The following STARD13 variants were observed in gnomAD, a reference collection of about 807,000 sequenced individuals.
STARD13 encodes the protein StAR related lipid transfer domain containing 13.
STARD13 carries 62 observed loss-of-function variants against 106.4 expected under a neutral mutation model. The ratio of observed to expected loss-of-function variants is 0.58; its 90% CI spans 0.48 to 0.72. STARD13 has a LOEUF of 0.72. STARD13 is among the 30% of genes least tolerant of loss of function. The pLI, the probability that STARD13 is intolerant of heterozygous loss-of-function variation, is 0.00. For missense variants in STARD13, 1,387 were observed against 1,424.0 expected (o/e 0.97, Z 0.42); for synonymous variants, 565 against 553.0 (o/e 1.02, Z -0.31).
the STARD13 span, among the ~76,000 whole-genome samples, chr13:33,527,165 A>T: frequency 6.6e-6 from 1 of 152,234 alleles, no homozygotes; most frequent in African/African-American, 2.4e-5. Context: ...TAAGTGAACA[A>T]GAGTTTTCCA....
chr13:33,165,091 C>T (rs1322433526), intron 3 of STARD13, among the ~76,000 whole-genome samples: 2 of 152,148 alleles, frequency 1.3e-5, no homozygotes, highest in African/African-American at 2.4e-5. Flanking sequence ...CTCTCACTCT[C>T]TCTCTCTTCT....
At chr13:33,599,585 C>G in the STARD13 span, among the ~76,000 whole-genome samples, 21 of 151,962 alleles carry the variant, frequency 1.4e-4, no homozygotes, top group African/African-American at 3.6e-4. Flanking sequence ...CCTAAATTAC[C>G]GTGCCTGCCA....
chr13:33,190,652 T>C (rs1365914443), intron 1 of STARD13, among the ~76,000 whole-genome samples: 1 of 150,098 alleles, frequency 6.7e-6, no homozygotes, highest in Non-Finnish European at 1.5e-5. Flanking sequence ...AATGGCACAA[T>C]CTTGGCTCAC....
the STARD13 span, among the ~76,000 whole-genome samples, chr13:33,590,036 C>T: frequency 2.6e-5 from 4 of 152,090 alleles, no homozygotes; most frequent in African/African-American, 7.2e-5. Context: ...TTGAATTGAT[C>T]CATTTACCAT....
chr13:33,149,742 TA>T lies in STARD13; in HGVS notation c.324-7370del, dbSNP rs374355267. 1.1e-3 allele frequency among the ~76,000 whole-genome samples: 169 copies of T among 152,344 alleles called. 1 individual carries two copies. Among genetic ancestry groups the T allele is most frequent in the African/African-American group, 3.8e-3 (156 of 41,586 alleles). ...GTAAGAATACAAATTGGATGAAACA[TA>T]TCCCTGACAGATGTAAACGCCTCTT... is the stretch of plus-strand genomic sequence containing the variant. On this transcript the variant is annotated intron_variant, in intron 3 of 13. Coordinates refer to ENST00000336934, the MANE Select transcript of STARD13 (RefSeq NM_178006.4).
At chr13:33,647,939 T>C in the STARD13 span, among the ~76,000 whole-genome samples, 1 of 152,184 alleles carries the variant, frequency 6.6e-6, no homozygotes, top group African/African-American at 2.4e-5. Flanking sequence ...TGAATGAATA[T>C]ACTCATTTTT....
chr13:33,619,137 A>G, the STARD13 span, among the ~76,000 whole-genome samples: 1 of 152,178 alleles, frequency 6.6e-6, no homozygotes, highest in Non-Finnish European at 1.5e-5. Context: ...TCAGACCCCA[A>G]AAGCACCACA....
At chr13:33,195,274 A>C (rs1360612012) in intron 1 of STARD13, among the ~76,000 whole-genome samples, 3 of 152,212 alleles carry the variant, frequency 2.0e-5, no homozygotes, top group Admixed American at 6.5e-5. Flanking sequence ...AAGGAACACT[A>C]TTTCAGTAAT....
chr13:33,377,351 C>T, the STARD13 span, among the ~76,000 whole-genome samples: 1 of 152,004 alleles, frequency 6.6e-6, no homozygotes, highest in African/African-American at 2.4e-5. Flanking sequence ...TGTGAAGAGA[C>T]ATCTGGGAAA....
chr13:33,456,728 G>A, the STARD13 span, among the ~76,000 whole-genome samples: 1 of 152,130 alleles, frequency 6.6e-6, no homozygotes, highest in African/African-American at 2.4e-5. Flanking sequence ...ACACCAGAAA[G>A]CTACCTTGTC....
At chr13:33,126,390 A>G in intron 6 of STARD13, 150 bp from the exon 7 acceptor site, 3 of 771,648 alleles carry the variant, frequency 3.9e-6, no homozygotes, top group South Asian at 1.6e-5. Flanking sequence ...TAATCACAGG[A>G]CACTGCTGTG....
chr13:33,518,310 C>G, the STARD13 span, among the ~76,000 whole-genome samples: 1 of 152,054 alleles, frequency 6.6e-6, no homozygotes, highest in African/African-American at 2.4e-5. Context: ...ATAAATTTAT[C>G]CATCGAATTG....
Position 33,129,019 on chromosome 13 carries a change from C to G in STARD13, c.1658G>C (p.Arg553Thr), listed in dbSNP as rs1224317868. 6.2e-7 allele frequency: 1 copy of G among 1,614,150 alleles called. No homozygotes were observed. The change falls in exon 5 of 14, where the codon AGA (arginine) becomes ACA (threonine). Residue 553 changes from arginine (R) to threonine (T), a missense_variant. Arg to Thr is a moderately conservative substitution (Grantham distance 71, BLOSUM62 -1). Transcript: ENST00000336934. ...AGATTCATTAAGAGATGTTACATCTCTTTCCACATCACTGGGTGTCGTCCG... is the reference window on the plus strand; with the variant it reads ...AGATTCATTAAGAGATGTTACATCTGTTTCCACATCACTGGGTGTCGTCCG... ...EGRTTPSDVE[R>T]DVTSLNESEP...
At chr13:33,616,160 G>C in the STARD13 span, among the ~76,000 whole-genome samples, 41 of 149,598 alleles carry the variant, frequency 2.7e-4, no homozygotes, top group African/African-American at 1.0e-3. Context: ...GAGAGAGAGA[G>C]AAGCAAAGAG....
chr13:33,325,320 A>T lies in STARD13; in HGVS notation c.124+24970T>A, dbSNP rs1026398579. 2.0e-5 allele frequency among the ~76,000 whole-genome samples: 3 copies of T among 152,222 alleles called. No individual in the cohort carries two copies. The East Asian group carries it at 5.8e-4, about 29-fold the overall frequency. On this transcript the variant is annotated intron_variant, in intron 1 of 5. Transcript: ENST00000567873. The stretch of plus-strand genomic sequence containing the variant: ...CTCAGTAGCTCCAAAAGGAAACAGG[A>T]TGAGGGCCTTTCTCAGATACTCTGC...
the STARD13 span, among the ~76,000 whole-genome samples, chr13:33,401,362 C>A: frequency 6.6e-6 from 1 of 152,186 alleles, no homozygotes; most frequent in Non-Finnish European, 1.5e-5. Flanking sequence ...TGACTATTGG[C>A]CCCAGCTGCC....
intron 1 of STARD13, chr13:33,180,349 T>A (rs1885113321): frequency 2.0e-5 from 3 of 152,186 alleles, no homozygotes. Context: ...AGTTAATAAG[T>A]AAAATATTAG....
chr13:33,127,385 T>C lies in STARD13; in HGVS notation c.1910A>G (p.His637Arg), dbSNP rs968261356. 1.3e-6 allele frequency: 2 copies of C among 1,599,854 alleles called. No homozygotes were observed. The highest frequency in any genetic ancestry group is 1.7e-4 in the Middle Eastern group (1 of 5,908). Reference protein sequence around the residue: ...IMEKHSMSNKHGWTWSVPKFM... With the variant: ...IMEKHSMSNKRGWTWSVPKFM... ...ATGTGCTACGCACCATGTCCAGCCGTGCTTGTTGGACATGGAGTGCTTCTC... is the reference window on the plus strand; with the variant it reads ...ATGTGCTACGCACCATGTCCAGCCGCGCTTGTTGGACATGGAGTGCTTCTC... The change falls in exon 6 of 14, where the codon CAC (histidine) becomes CGC (arginine). Residue 637 changes from histidine (H) to arginine (R), a missense_variant. Transcript: ENST00000336934.
At chr13:33,580,783 A>G in the STARD13 span, among the ~76,000 whole-genome samples, 1 of 152,152 alleles carries the variant, frequency 6.6e-6, no homozygotes, top group African/African-American at 2.4e-5. Flanking sequence ...TTTTATCTCT[A>G]TTTATAAGCA....
Sources: allele counts gnomAD v4.1 joint callset (sites outside exome capture counted in the v4.1 genomes callset), GRCh38; gene constraint gnomAD v4.1.1; transcripts MANE v1.5; gene names NCBI Gene and HGNC (gene_info 2026-07-23, HGNC 2026-07-21).